Variants in NEURL1B observed in about 807,000 individuals in gnomAD.
The protein encoded by NEURL1B is neuralized E3 ubiquitin protein ligase 1B.
A neutral mutation model predicts 37.4 loss-of-function variants in NEURL1B; 13 were observed. The ratio of observed to expected loss-of-function variants is 0.35; its 90% CI spans 0.23 to 0.55. The LOEUF is 0.55. Ranked by LOEUF, NEURL1B falls within the 20% of genes least tolerant of loss-of-function variation. The pLI is 0.89. For missense variants in NEURL1B, 790 were observed against 879.2 expected (o/e 0.90, Z 1.28); for synonymous variants, 432 against 426.6 (o/e 1.01, Z -0.16).
chr5:172,667,351 CAGA>C (rs1206324506), intron 1 of NEURL1B, among the ~76,000 whole-genome samples: 3 of 148,830 alleles, frequency 2.0e-5, no homozygotes, highest in African/African-American at 7.5e-5. Context: ...GAGGCTGAGG[CAGA>C]AGAAGTGCTT....
chr5:172,669,689 T>C, intron 1 of NEURL1B, 96 bp from the exon 2 acceptor site: 2 of 961,796 alleles, frequency 2.1e-6, no homozygotes, highest in Non-Finnish European at 2.7e-6. Context: ...CCTGTTAAAA[T>C]GGAATTTCAA....
In NEURL1B at chr5:172,688,919, A is replaced by C. The variant is rs1415734855; in HGVS notation, c.*1994A>C. On this transcript the variant is annotated 3_prime_UTR_variant, in exon 5 of 5. Coordinates refer to ENST00000369800, the MANE Select transcript of NEURL1B (RefSeq NM_001142651.3). The surrounding 1 kb of genome is among the most constrained non-coding windows in gnomAD (Gnocchi z 4.3). Reference sequence around the variant, plus strand: ...TGCTGCAGACAACCGTCTCCTGTCTACACTGCGACCCAGCCACAAGCTGTG... The same window carrying C: ...TGCTGCAGACAACCGTCTCCTGTCTCCACTGCGACCCAGCCACAAGCTGTG... 6.6e-6 allele frequency: 1 copy of C among 152,220 alleles called. No homozygotes were observed. Among genetic ancestry groups the C allele is most frequent in the Non-Finnish European group, 1.5e-5 (1 of 68,050 alleles). The allele number at this position is 152,220 out of a possible 1,614,324, so 9.4% of individuals were successfully genotyped here.
At chr5:172,664,777 A>C (rs1006879115) in intron 1 of NEURL1B, among the ~76,000 whole-genome samples, 3 of 152,174 alleles carry the variant, frequency 2.0e-5, no homozygotes, top group African/African-American at 7.2e-5. Context: ...TCCTCTTAGA[A>C]ACTTTTTAAC....
intron 2 of NEURL1B, among the ~76,000 whole-genome samples, chr5:172,673,063 T>C (rs2113311110): frequency 6.6e-6 from 1 of 152,344 alleles, no homozygotes; most frequent in South Asian, 2.1e-4. Flanking sequence ...CGAGTTGTCA[T>C]TGGATACATC....
At chr5:172,658,662 A>G (rs1757838651) in intron 1 of NEURL1B, among the ~76,000 whole-genome samples, 2 of 152,110 alleles carry the variant, frequency 1.3e-5, no homozygotes, top group African/African-American at 4.8e-5. Flanking sequence ...CCAGGCTGGT[A>G]TGAGTTCAAA....
At chr5:172,659,052 C>T (rs1757848260) in intron 1 of NEURL1B, among the ~76,000 whole-genome samples, 1 of 123,710 alleles carries the variant, frequency 8.1e-6, no homozygotes, top group South Asian at 3.1e-4. Flanking sequence ...CCCCCCAAAG[C>T]TTCCTTCCTG....
rs369602426 is a variant in NEURL1B, at chr5:172,670,132, G to A, written c.379G>A (p.Gly127Ser). 29 of 1,513,804 alleles carry A rather than the reference G, an allele frequency of 1.9e-5. No individual in the cohort carries two copies. The highest frequency in any genetic ancestry group is 2.5e-5 in the Non-Finnish European group (29 of 1,137,566). 93.8% of individuals were successfully genotyped at this position (1,513,804 alleles called of 1,614,324 possible). ...YACPDLVTRPGYWAKALPENL... is the reference protein window; with the variant it reads ...YACPDLVTRPSYWAKALPENL... ...CTGCCCGGACCTGGTCACGCGGCCG[G>A]GCTACTGGGCCAAGGCACTGCCCGA... The change falls in exon 2 of 5, where the codon GGC becomes AGC. Residue 127 changes from glycine (G) to serine (S), a missense_variant. Gly to Ser is a moderately conservative substitution (Grantham distance 56). This residue lies in a region of NEURL1B where 215 missense variants were observed against 309.2 expected (regional missense o/e 0.70). Transcript: ENST00000369800.
In NEURL1B at chr5:172,688,224, C is replaced by T. The variant is rs190660953; in HGVS notation, c.*1299C>T. The T allele has an allele frequency of 1.1e-3, 173 of 153,120 alleles. No homozygotes were observed. The highest frequency in any genetic ancestry group is 3.3e-3 in the Middle Eastern group (1 of 300). The allele number at this position is 153,120 out of a possible 1,614,324, so 9.5% of individuals were successfully genotyped here. A position where few individuals can be genotyped will look rare whatever the true frequency, so the allele number is the denominator to read the frequency against. ...CCCTTCTTGCCCCCAGTTCTGGGCT[C>T]CACCTCTGCCCTCTTCTGTGCTGTC... is the stretch of plus-strand genomic sequence containing the variant. On this transcript the variant is annotated 3_prime_UTR_variant, in exon 5 of 5. Transcript: ENST00000369800. This position sits in a 1 kb window ranked among gnomAD's most constrained non-coding sequence, Gnocchi z 4.3.
intron 2 of NEURL1B, among the ~76,000 whole-genome samples, chr5:172,674,354 A>G (rs927508048): frequency 6.6e-6 from 1 of 151,952 alleles, no homozygotes; most frequent in African/African-American, 2.4e-5. Context: ...ATCCTCCTGC[A>G]CAGAGTCCAG....
In NEURL1B at chr5:172,653,499, G is replaced by A. The variant is rs1203686634; in HGVS notation, c.31+12062G>A. 3.3e-5 allele frequency among the ~76,000 whole-genome samples: 5 copies of A among 152,110 alleles called. No homozygotes were observed. The East Asian group carries it at 5.8e-4, about 18-fold the overall frequency. On this transcript the variant is annotated intron_variant, in intron 1 of 4. Coordinates refer to ENST00000369800, the MANE Select transcript of NEURL1B (RefSeq NM_001142651.3). ...AACCTTTTATAATTTTTGTTAAAGA[G>A]CAGGTTAGTGCTTTAAGAAAAACCC...
chr5:172,666,371 A>C (rs1758015198), intron 1 of NEURL1B, among the ~76,000 whole-genome samples: 1 of 152,226 alleles, frequency 6.6e-6, no homozygotes, highest in Admixed American at 6.5e-5. Flanking sequence ...CAGAGACACT[A>C]CGAGGATTAA....
In NEURL1B at chr5:172,683,877, G is replaced by A. The variant is rs1201403608; in HGVS notation, c.1036G>A (p.Asp346Asn). The A allele has an allele frequency of 1.4e-6, 2 of 1,398,368 alleles. No individual in the cohort carries two copies. The highest frequency in any genetic ancestry group is 1.5e-5 in the African/African-American group (1 of 66,186). 86.6% of individuals were successfully genotyped at this position (1,398,368 alleles called of 1,614,324 possible). Reference sequence around the variant, plus strand: ...GCTGGCCTTCGGCATCACGTCGTGCGACCCGGGCGTGCTACGGCCCAACGA... The same window carrying A: ...GCTGGCCTTCGGCATCACGTCGTGCAACCCGGGCGTGCTACGGCCCAACGA... The part of the protein sequence containing the change: ...GALAFGITSC[D>N]PGVLRPNELP... Residue 346 changes from aspartate (D) to asparagine (N), a missense_variant, in exon 3 of 5, where the codon GAC becomes AAC. Physicochemically the swap from Asp to Asn is conservative, Grantham distance 23. Coordinates refer to ENST00000369800, the MANE Select transcript of NEURL1B (RefSeq NM_001142651.3). This position sits in a 1 kb window ranked among gnomAD's most constrained non-coding sequence, Gnocchi z 5.6.
chr5:172,684,474 G>C (rs1449259887), intron 3 of NEURL1B, among the ~76,000 whole-genome samples: 2 of 152,154 alleles, frequency 1.3e-5, no homozygotes, highest in African/African-American at 4.8e-5. Context: ...AGCTTGGCAG[G>C]CTATATCCCC....
rs1758501952 is a variant in NEURL1B, at chr5:172,686,611, C to T, written c.1424-70C>T. ...GTCCCAGCAAGAAGCCCTGCATTCT[C>T]GGGGTTGCCCCAACAGAGCCCACCT... On this transcript the variant is annotated intron_variant, in intron 4 of 4. Coordinates refer to ENST00000369800, the MANE Select transcript of NEURL1B (RefSeq NM_001142651.3). This position sits in a 1 kb window ranked among gnomAD's most constrained non-coding sequence, Gnocchi z 7.9. 13 of 1,482,014 alleles carry T rather than the reference C, an allele frequency of 8.8e-6. No individual in the cohort carries two copies. The highest frequency in any genetic ancestry group is 5.1e-5 in the South Asian group (4 of 78,164). 91.8% of individuals were successfully genotyped at this position (1,482,014 alleles called of 1,614,324 possible). A position where few individuals can be genotyped will look rare whatever the true frequency, so the allele number is the denominator to read the frequency against.
At chr5:172,645,712 A>G (rs1757546718) in intron 1 of NEURL1B, among the ~76,000 whole-genome samples, 1 of 152,134 alleles carries the variant, frequency 6.6e-6, no homozygotes. Flanking sequence ...AACCACCTCT[A>G]TCAGTGATTC....
In NEURL1B at chr5:172,661,288, T is replaced by TGG. The variant is rs1420406571; in HGVS notation, c.32-8492_32-8491dup. Among the ~76,000 whole-genome samples the TGG allele has an allele frequency of 3.3e-5, 5 of 152,184 alleles. No homozygotes were observed. The highest frequency in any genetic ancestry group is 1.2e-4 in the African/African-American group (5 of 41,426). ...TGTGCATGGAGTCTGGGTATGTTTC[T>TGG]GGGGGGAAACCCTGAAGTTGAATAT... On this transcript the variant is annotated intron_variant, in intron 1 of 4. Transcript: ENST00000369800. The surrounding 1 kb of genome is among the most constrained non-coding windows in gnomAD (Gnocchi z 4.0).
In NEURL1B at chr5:172,647,854, C is replaced by T. The variant is rs1757588581; in HGVS notation, c.31+6417C>T. On this transcript the variant is annotated intron_variant, in intron 1 of 4. Transcript: ENST00000369800. The surrounding 1 kb of genome is among the most constrained non-coding windows in gnomAD (Gnocchi z 4.2). ...CCAACTAGGACTCAGGCTCCTGACT[C>T]ATCTGCCTGGTAAAAACTGGCCCAT... is the stretch of plus-strand genomic sequence containing the variant. 1.3e-5 allele frequency among the ~76,000 whole-genome samples: 2 copies of T among 152,106 alleles called. No homozygotes were observed. Among genetic ancestry groups the T allele is most frequent in the Admixed American group, 6.5e-5 (1 of 15,276 alleles).
At chr5:172,656,279 CG>C (rs1191894215) in intron 1 of NEURL1B, among the ~76,000 whole-genome samples, 1 of 151,946 alleles carries the variant, frequency 6.6e-6, no homozygotes, top group Non-Finnish European at 1.5e-5. Context: ...TAGAGTGGAG[CG>C]GGTGATCAGA....
At position 172,684,022 on chromosome 5, in the gene NEURL1B, T is replaced by C; in HGVS notation, c.1181T>C (p.Val394Ala). 1 of 1,339,014 alleles carries C rather than the reference T, an allele frequency of 7.5e-7. No individual in the cohort carries two copies. The highest frequency in any genetic ancestry group is 9.6e-7 in the Non-Finnish European group (1 of 1,042,178). The allele number at this position is 1,339,014 out of a possible 1,614,324, so 82.9% of individuals were successfully genotyped here. A position where few individuals can be genotyped will look rare whatever the true frequency, so the allele number is the denominator to read the frequency against. The stretch of plus-strand genomic sequence containing the variant: ...TTCACGCTGCGGCCCGGCGGCGACG[T>C]GCTCCTGGGCATCAACGGGCGTCCG... The part of the protein sequence containing the change: ...LSFTLRPGGD[V>A]LLGINGRPRG... The change falls in exon 3 of 5, where the codon GTG becomes GCG. Residue 394 changes from valine to alanine, a missense_variant. Transcript: ENST00000369800.
Sources: gnomAD v4.1 joint callset for allele counts (sites outside exome capture counted in the v4.1 genomes callset) on GRCh38, gnomAD v4.1.1 for gene constraint, gnomAD v4.1.1 regional missense constraint, Gnocchi (gnomAD v3.1) non-coding constraint, MANE v1.5 for transcripts, NCBI Gene and HGNC (gene_info 2026-07-23, HGNC 2026-07-21) for gene names.